The following EQTN variants were observed in gnomAD, a reference collection of about 807,000 sequenced individuals.
The protein encoded by EQTN is equatorin, also known as Acrosome formation associated factor.
EQTN carries 29 observed loss-of-function variants against 26.9 expected under a neutral mutation model. The ratio of observed to expected loss-of-function variants is 1.08; its 90% CI spans 0.80 to 1.47. EQTN has a LOEUF of 1.47. EQTN is among the 40% of genes most tolerant of loss of function. The pLI is 0.00. For missense variants in EQTN, 391 were observed against 346.1 expected (o/e 1.13, Z -1.03); for synonymous variants, 129 against 120.0 (o/e 1.07, Z -0.49).
chr9:27,288,939 G>A (rs145521921), intron 6 of EQTN, among the ~76,000 whole-genome samples: 122 of 152,218 alleles, frequency 8.0e-4, no homozygotes, highest in African/African-American at 2.7e-3. Context: ...TGGTAGACAC[G>A]TGATATTATG....
intron 6 of EQTN, among the ~76,000 whole-genome samples, chr9:27,286,970 A>G (rs909650057): frequency 1.3e-5 from 2 of 152,214 alleles, no homozygotes; most frequent in African/African-American, 4.8e-5. Flanking sequence ...ACTTTCTAAA[A>G]TAAGTTAAAT....
intron 5 of EQTN, among the ~76,000 whole-genome samples, 173 bp downstream of exon 5, chr9:27,290,846 A>C (rs1414298186): frequency 6.6e-6 from 1 of 152,230 alleles, no homozygotes; most frequent in African/African-American, 2.4e-5. Context: ...GTAATCAGAA[A>C]ATGTGTGACA....
At chr9:27,296,164 G>A (rs544436642) in intron 2 of EQTN, among the ~76,000 whole-genome samples, 5 of 152,222 alleles carry the variant, frequency 3.3e-5, no homozygotes, top group African/African-American at 1.2e-4. Context: ...TTAGCTTGGT[G>A]TGATGGCATG....
In EQTN at chr9:27,294,326, A is replaced by G. The variant is rs769835916; in HGVS notation, c.279T>C (p.Ala93=). Residue 93 remains alanine (A), a synonymous_variant, in exon 3 of 8, where the codon GCT becomes GCC. Transcript: ENST00000380032. ...SVRATTDLNF[A]LKNDKTVNAT... Reference sequence around the variant, plus strand: ...CCTTTCACTTCTTACCGTTTTTTAGAGCAAAATTCAGGTCAGTTGTGGCTC... The same window carrying G: ...CCTTTCACTTCTTACCGTTTTTTAGGGCAAAATTCAGGTCAGTTGTGGCTC... 1.4e-5 allele frequency: 22 copies of G among 1,608,282 alleles called. No homozygotes were observed. The South Asian group carries it at 2.3e-4, about 17-fold the overall frequency.
intron 2 of EQTN, 146 bp from the exon 3 acceptor site, chr9:27,294,548 A>C: frequency 2.3e-6 from 1 of 431,916 alleles, no homozygotes. Context: ...CATCTACAAA[A>C]TAAGAAAGTG....
chr9:27,292,632 T>C (rs537750106), intron 3 of EQTN, 145 bp from the exon 4 acceptor site: 445 of 530,246 alleles, frequency 8.4e-4, no homozygotes, highest in Admixed American at 1.6e-3. Context: ...ATTAACATTT[T>C]CCAGAAATAA....
chr9:27,296,528 A>G, intron 2 of EQTN, 85 bp downstream of exon 2: 2 of 957,810 alleles, frequency 2.1e-6, no homozygotes, highest in Non-Finnish European at 3.1e-6. Flanking sequence ...ACAGGGGGAA[A>G]TGATGGAAAT....
At chr9:27,296,217 T>C (rs1820340005) in intron 2 of EQTN, among the ~76,000 whole-genome samples, 1 of 152,086 alleles carries the variant, frequency 6.6e-6, no homozygotes, top group South Asian at 2.1e-4. Flanking sequence ...GTGGTAGGAC[T>C]GCTTGAACCC....
At chr9:27,296,839 G>A (rs1043930544) in intron 1 of EQTN, 101 bp from the exon 2 acceptor site, 1 of 1,561,958 alleles carries the variant, frequency 6.4e-7, no homozygotes. Context: ...TAGAGGCAGA[G>A]ATTTAAAATC....
intron 5 of EQTN, among the ~76,000 whole-genome samples, 168 bp from the exon 6 acceptor site, chr9:27,289,899 C>G (rs758857419): frequency 6.6e-6 from 1 of 152,190 alleles, no homozygotes; most frequent in African/African-American, 2.4e-5. Flanking sequence ...TTAACGAATA[C>G]TGAACTGTTG....
chr9:27,288,618 A>G (rs1009217070), intron 6 of EQTN, among the ~76,000 whole-genome samples: 19 of 152,208 alleles, frequency 1.2e-4, no homozygotes, highest in Non-Finnish European at 7.3e-5. Context: ...GGCAACCAAG[A>G]TGTCATTCAG....
At chr9:27,291,091 GAAC>G (rs1820226400) in intron 4 of EQTN, 28 bp from the exon 5 acceptor site, 1 of 1,575,842 alleles carries the variant, frequency 6.3e-7, no homozygotes, top group South Asian at 1.2e-5. Context: ...AACACAACAA[GAAC>G]AACAAGAAAA....
chr9:27,285,291 G>A (rs558560543), intron 7 of EQTN, among the ~76,000 whole-genome samples: 1 of 151,828 alleles, frequency 6.6e-6, no homozygotes, highest in South Asian at 2.1e-4. Flanking sequence ...CTACAGGCAT[G>A]CGCCACTATG....
chr9:27,295,126 A>G (rs1401916977), intron 2 of EQTN, among the ~76,000 whole-genome samples: 1 of 152,250 alleles, frequency 6.6e-6, no homozygotes, highest in Non-Finnish European at 1.5e-5. Context: ...CAGTGTGTAT[A>G]TGAGAAGAAT....
chr9:27,296,533 G>T (rs1820347671), intron 2 of EQTN, 80 bp downstream of exon 2: 4 of 1,026,186 alleles, frequency 3.9e-6, no homozygotes, highest in Non-Finnish European at 5.6e-6. Flanking sequence ...GGGAAATGAT[G>T]GAAATTTAAA....
At chr9:27,285,414 T>C (rs1820100605) in intron 7 of EQTN, among the ~76,000 whole-genome samples, 1 of 152,196 alleles carries the variant, frequency 6.6e-6, no homozygotes, top group African/African-American at 2.4e-5. Context: ...AGTTCTGGGA[T>C]TACAGGTGTG....
chr9:27,286,148 GGA>G, intron 7 of EQTN, 59 bp downstream of exon 7: 2 of 1,505,420 alleles, frequency 1.3e-6, no homozygotes, highest in East Asian at 4.5e-5. Context: ...ACTAAAGAGA[GGA>G]GGGAGAGAAT....
At position 27,292,417 on chromosome 9, in the gene EQTN, A is replaced by T. The variant is rs773345459; in HGVS notation, c.360T>A (p.Ser120=). 1.2e-6 allele frequency: 2 copies of T among 1,603,238 alleles called. No individual in the cohort carries two copies. Among genetic ancestry groups the T allele is most frequent in the East Asian group, 4.5e-5 (2 of 44,576 alleles). ...IEEETTTSEP[S]HKNIQRSTPN... ...TTTAAATACTTTGAATATTTTTATG[A>T]GAGGGTTCGCTAGTAGTTGTTTCTT... Residue 120 remains serine (S), a synonymous_variant, in exon 4 of 8, where the codon TCT becomes TCA. Transcript: ENST00000380032.
chr9:27,295,502 C>T (rs1267154787), intron 2 of EQTN, among the ~76,000 whole-genome samples: 2 of 152,126 alleles, frequency 1.3e-5, no homozygotes, highest in African/African-American at 4.8e-5. Context: ...TACTTTATGC[C>T]ATACACAAAA....
Sources: gnomAD v4.1 joint callset for allele counts (sites outside exome capture counted in the v4.1 genomes callset) on GRCh38, gnomAD v4.1.1 for gene constraint, MANE v1.5 for transcripts, NCBI Gene and HGNC (gene_info 2026-07-23, HGNC 2026-07-21) for gene names.